Variants in PPP1R12B observed in about 807,000 individuals in gnomAD.
PPP1R12B encodes myosin phosphatase target subunit 2.
In PPP1R12B, 76 loss-of-function variants were observed where a neutral mutation model predicts 126.1. The observed-to-expected ratio is 0.60, with a 90% CI of 0.50 to 0.73. The LOEUF (loss-of-function observed/expected upper bound fraction) is 0.73. Among genes scored for constraint, PPP1R12B ranks in the 30% least tolerant of loss-of-function variants. PPP1R12B has a pLI of 0.00. For missense variants in PPP1R12B, 1,052 were observed against 1,205.1 expected (o/e 0.87, Z 1.88); for synonymous variants, 356 against 434.7 (o/e 0.82, Z 2.25).
intron 1 of PPP1R12B, among the ~76,000 whole-genome samples, chr1:202,376,111 TTAATA>T (rs1212951053): frequency 1.3e-5 from 2 of 152,228 alleles, no homozygotes; most frequent in African/African-American, 4.8e-5. Flanking sequence ...AGTTGATAAT[TTAATA>T]AGAATAATCA....
chr1:202,354,428 G>A (rs745975982), intron 1 of PPP1R12B, among the ~76,000 whole-genome samples: 11 of 152,094 alleles, frequency 7.2e-5, no homozygotes, highest in Non-Finnish European at 1.3e-4. Flanking sequence ...AATTAGCCAG[G>A]CATGTTGGTG....
chr1:202,426,884 A>G (rs1669594106), intron 4 of PPP1R12B, among the ~76,000 whole-genome samples, 156 bp from the exon 5 acceptor site: 1 of 152,228 alleles, frequency 6.6e-6, no homozygotes, highest in South Asian at 2.1e-4. Flanking sequence ...AAAGTAGTTA[A>G]CTATGAAACC....
chr1:202,424,498 A>G (rs1453637131), intron 3 of PPP1R12B, among the ~76,000 whole-genome samples: 3 of 151,558 alleles, frequency 2.0e-5, no homozygotes, highest in South Asian at 2.1e-4. Flanking sequence ...TCATTTTTGT[A>G]TTTTTGGTAG....
intron 18 of PPP1R12B, among the ~76,000 whole-genome samples, chr1:202,510,953 ATATG>A (rs1272301215): frequency 3.4e-5 from 5 of 146,362 alleles, no homozygotes; most frequent in African/African-American, 1.2e-4. Context: ...AATATAATTT[ATATG>A]TATTAATTTA....
intron 9 of PPP1R12B, among the ~76,000 whole-genome samples, chr1:202,435,075 C>T (rs1260035733): frequency 1.3e-5 from 2 of 152,126 alleles, no homozygotes; most frequent in Non-Finnish European, 2.9e-5. Flanking sequence ...AGAAGGAGCT[C>T]TGGTGTCTCT....
chr1:202,397,732 T>G (rs1370898137), intron 1 of PPP1R12B, among the ~76,000 whole-genome samples: 1 of 152,184 alleles, frequency 6.6e-6, no homozygotes. Context: ...AAAAAGTTGT[T>G]GATAATAGTG....
intron 1 of PPP1R12B, among the ~76,000 whole-genome samples, chr1:202,378,636 C>A (rs150153188): frequency 0.13 from 19,163 of 152,042 alleles, 1,335 homozygotes; most frequent in Middle Eastern, 0.18. Flanking sequence ...TGTGCCACCA[C>A]GCCCGGCTAA....
At chr1:202,401,000 A>G (rs1014743956) in intron 1 of PPP1R12B, among the ~76,000 whole-genome samples, 4 of 152,208 alleles carry the variant, frequency 2.6e-5, no homozygotes, top group African/African-American at 9.6e-5. Context: ...AAAAAGAAGT[A>G]AAATATTTTG....
chr1:202,397,038 T>A (rs187781302), intron 1 of PPP1R12B, among the ~76,000 whole-genome samples: 406 of 152,344 alleles, frequency 2.7e-3, no homozygotes, highest in Non-Finnish European at 4.6e-3. Flanking sequence ...TCAAGTCTCT[T>A]TCATTTTACA....
At chr1:202,477,790 G>A (rs548452280) in intron 13 of PPP1R12B, among the ~76,000 whole-genome samples, 2 of 152,276 alleles carry the variant, frequency 1.3e-5, no homozygotes, top group South Asian at 4.1e-4. Flanking sequence ...TTAATTCTCT[G>A]TAATCAATTA....
chr1:202,371,864 T>C (rs1193240741), intron 1 of PPP1R12B, among the ~76,000 whole-genome samples: 4 of 142,682 alleles, frequency 2.8e-5, no homozygotes, highest in African/African-American at 7.7e-5. Context: ...GTTTCTTTTT[T>C]TTTTTTTTTT....
chr1:202,407,444 C>T (rs1158503914), intron 1 of PPP1R12B, among the ~76,000 whole-genome samples: 1 of 152,268 alleles, frequency 6.6e-6, no homozygotes, highest in South Asian at 2.1e-4. Context: ...TACTTCTGCT[C>T]TCTCGGCTGT....
chr1:202,567,620 T>C (rs1324886266), intron 21 of PPP1R12B, 158 bp from the exon 22 acceptor site: 6 of 679,746 alleles, frequency 8.8e-6, no homozygotes, highest in Non-Finnish European at 1.5e-5. Flanking sequence ...GGCTTAGAGA[T>C]CTATCAGAAC....
At chr1:202,560,311 G>C (rs921344150) in intron 19 of PPP1R12B, among the ~76,000 whole-genome samples, 1 of 152,140 alleles carries the variant, frequency 6.6e-6, no homozygotes. Flanking sequence ...ACGCAAGAAA[G>C]AATTCAGGGA....
chr1:202,427,778 G>A (rs1669729552), intron 5 of PPP1R12B, among the ~76,000 whole-genome samples: 1 of 151,988 alleles, frequency 6.6e-6, no homozygotes, highest in Non-Finnish European at 1.5e-5. Context: ...CTGAGTAGCT[G>A]GGACTACAGG....
At chr1:202,561,243 T>C (rs1402675636) in intron 19 of PPP1R12B, among the ~76,000 whole-genome samples, 8 of 152,170 alleles carry the variant, frequency 5.3e-5, no homozygotes, top group Non-Finnish European at 1.2e-4. Flanking sequence ...AGAAGGTAAC[T>C]GGACAAAGGC....
At chr1:202,566,634 C>G (rs546688914) in intron 21 of PPP1R12B, among the ~76,000 whole-genome samples, 3 of 152,154 alleles carry the variant, frequency 2.0e-5, no homozygotes, top group African/African-American at 7.2e-5. Flanking sequence ...GAAAGACTTA[C>G]GAGGATATTA....
At chr1:202,434,829 A>G (rs886380205) in intron 9 of PPP1R12B, 61 bp downstream of exon 9, 1 of 1,592,624 alleles carries the variant, frequency 6.3e-7, no homozygotes. Context: ...GCACACATCT[A>G]GAAAGGCCTT....
intron 1 of PPP1R12B, among the ~76,000 whole-genome samples, chr1:202,378,247 CT>C (rs386369339): frequency 0.056 from 5,191 of 93,376 alleles, 169 homozygotes; most frequent in African/African-American, 0.16. Context: ...TGTCTTCATT[CT>C]TTTTTTTTTT....
Sources: allele counts gnomAD v4.1 joint callset (sites outside exome capture counted in the v4.1 genomes callset), GRCh38; gene constraint gnomAD v4.1.1; transcripts MANE v1.5; gene names NCBI Gene and HGNC (gene_info 2026-07-23, HGNC 2026-07-21).